The following CEP164 variants were observed in gnomAD, a reference collection of about 807,000 sequenced individuals.
The protein encoded by CEP164 is centrosomal protein 164.
A neutral mutation model predicts 182.7 loss-of-function variants in CEP164; 162 were observed. The ratio of observed to expected loss-of-function variants is 0.89; its 90% CI spans 0.78 to 1.01. The LOEUF is 1.01. Among genes scored for constraint, CEP164 ranks in the 50% least tolerant of loss-of-function variants. The pLI is 0.00. For missense variants in CEP164, 1,735 were observed against 1,790.4 expected, an observed-to-expected ratio of 0.97 and a Z score of 0.56; for synonymous variants, 661 against 690.0, an observed-to-expected ratio of 0.96 and a Z score of 0.66.
rs372292887 is a variant in CEP164 at position 117,395,653 on chromosome 11, G to A, written c.3020G>A (p.Arg1007His). The change falls in exon 24 of 33, where the codon CGC (arginine) becomes CAC (histidine). Residue 1007 changes from arginine (R) to histidine (H), a missense_variant. Transcript: ENST00000278935. Reference sequence around the variant, plus strand: ...GAAATTCTTGATGAGCTGCAGGCCCGCAAGCTGAAGCTGGAGTCCCAAGTG... The same window carrying A: ...GAAATTCTTGATGAGCTGCAGGCCCACAAGCTGAAGCTGGAGTCCCAAGTG... ...LREILDELQA[R>H]KLKLESQVDL... is the part of the protein sequence containing the mutation. 22 of 1,613,508 alleles carry A rather than the reference G, an allele frequency of 1.4e-5. 1 individual carries two copies. The highest frequency in any genetic ancestry group is 1.1e-4 in the South Asian group (10 of 91,038).
chr11:117,392,617 A>G lies in CEP164; in HGVS notation c.2483A>G (p.Tyr828Cys). The G allele has an allele frequency of 6.2e-7, 1 of 1,614,028 alleles. No individual in the cohort carries two copies. The highest frequency in any genetic ancestry group is 2.2e-5 in the East Asian group (1 of 44,880). ...VHQKSYHVAG[Y>C]EHELSSLLRE... The stretch of plus-strand genomic sequence containing the variant: ...CAGAAGTCTTATCACGTGGCTGGGT[A>G]TGAGCACGAGGTGAGTGCTGCTCTG... Residue 828 changes from tyrosine (Y) to cysteine (C), a missense_variant, in exon 19 of 33, where the codon TAT (tyrosine) becomes TGT (cysteine). By Grantham distance (194) the Tyr-to-Cys change is radical. Transcript: ENST00000278935.
chr11:117,406,479 T>C (rs1176729405), intron 27 of CEP164, among the ~76,000 whole-genome samples: 6 of 152,202 alleles, frequency 3.9e-5, no homozygotes, highest in African/African-American at 7.2e-5. Context: ...ACTATATCAA[T>C]AACCATTTAT....
rs530822319 is a variant in CEP164 at position 117,395,178 on chromosome 11, C to T, written c.2900C>T (p.Ala967Val). Residue 967 changes from alanine (A) to valine (V), a missense_variant, in exon 23 of 33, where the codon GCT (alanine) becomes GTT (valine). By Grantham distance (64) the Ala-to-Val change is moderately conservative. Transcript: ENST00000278935. The stretch of plus-strand genomic sequence containing the variant: ...CTGCTTGATGTGCAGAGGCAGGTTG[C>T]TCTGAAGAGTGAGGTTTGTCTCCCT... The part of the protein sequence containing the change: ...QQLLDVQRQV[A>V]LKSEEATATH... 1 of 1,613,896 alleles carries T rather than the reference C, an allele frequency of 6.2e-7. No homozygotes were observed. Among genetic ancestry groups the T allele is most frequent in the South Asian group, 1.1e-5 (1 of 91,078 alleles).
chr11:117,397,354 GA>G lies in CEP164; in HGVS notation c.3501+42del. The G allele has an allele frequency of 3.2e-6, 5 of 1,566,544 alleles. No individual in the cohort carries two copies. In the East Asian group the frequency reaches 6.8e-5, roughly 21 times the overall value. On this transcript the variant is annotated intron_variant, in intron 27 of 32. Transcript: ENST00000278935. The stretch of plus-strand genomic sequence containing the variant: ...AAGGGCCTGCCAGCCCTGTGTGGGG[GA>G]GGCGGGGGGAGTCAGCAAAACAGTC...
At position 117,336,476 on chromosome 11, in the gene CEP164, C is replaced by G. The variant is rs1200864967; in HGVS notation, c.-22+796C>G. 1.3e-6 allele frequency: 2 copies of G among 1,485,806 alleles called. 1 individual carries two copies. The highest frequency in any genetic ancestry group is 4.5e-5 in the East Asian group (2 of 44,124). 92.0% of individuals were successfully genotyped at this position (1,485,806 alleles called of 1,614,324 possible). Reference sequence around the variant, plus strand: ...TGAGGGGCCCCACCTGGGAGGAAAGCTGGATTGCCCTGGGGAACTCCTAGG... The same window carrying G: ...TGAGGGGCCCCACCTGGGAGGAAAGGTGGATTGCCCTGGGGAACTCCTAGG... On this transcript the variant is annotated intron_variant, in intron 2 of 32. Transcript: ENST00000278935.
chr11:117,407,457 CAAA>C (rs1232486465), intron 27 of CEP164, among the ~76,000 whole-genome samples: 217 of 68,996 alleles, frequency 3.1e-3, no homozygotes, highest in Non-Finnish European at 4.6e-3. Context: ...TCTGTCTCTA[CAAA>C]AAAAAAAAAA....
intron 2 of CEP164, among the ~76,000 whole-genome samples, chr11:117,337,410 A>G (rs932304683): frequency 1.3e-5 from 2 of 150,722 alleles, no homozygotes; most frequent in Admixed American, 1.3e-4. Context: ...TAGGGCTTCA[A>G]TATGTGTATT....
rs778301430 is a variant in CEP164 at position 117,391,044 on chromosome 11, G to C, written c.2112G>C (p.Glu704Asp). 6.2e-7 allele frequency: 1 copy of C among 1,614,106 alleles called. No individual in the cohort carries two copies. Among genetic ancestry groups the C allele is most frequent in the Admixed American group, 1.7e-5 (1 of 60,016 alleles). Residue 704 changes from glutamate to aspartate, a missense_variant, in exon 17 of 33, where the codon GAG becomes GAC. By Grantham distance (45) the Glu-to-Asp change is conservative. Coordinates refer to ENST00000278935, the MANE Select transcript of CEP164 (RefSeq NM_014956.5). Reference protein sequence around the residue: ...ASLQKLREELESQQKAERASL... With the variant: ...ASLQKLREELDSQQKAERASL... Reference sequence around the variant, plus strand: ...TGCAGAAACTGAGAGAAGAGTTGGAGTCTCAACAGAAGGCTGAGAGGGCCA... The same window carrying C: ...TGCAGAAACTGAGAGAAGAGTTGGACTCTCAACAGAAGGCTGAGAGGGCCA...
chr11:117,397,129 AG>A lies in CEP164; in HGVS notation c.3322del (p.Val1108Ter). The A allele has an allele frequency of 6.2e-7, 1 of 1,614,142 alleles. No individual in the cohort carries two copies. Among genetic ancestry groups the A allele is most frequent in the Non-Finnish European group, 8.5e-7 (1 of 1,179,998 alleles). On this transcript the variant is annotated frameshift_variant, in exon 27 of 33. Coordinates refer to ENST00000278935, the MANE Select transcript of CEP164 (RefSeq NM_014956.5). LOFTEE classifies it high-confidence loss of function. ...AATGTCTGGCACCTCCTCTCTGCTGAGGGGGTAGCCCTCCGTAGTGCCAAGG... is the reference window on the plus strand; with the variant it reads ...AATGTCTGGCACCTCCTCTCTGCTGAGGGGTAGCCCTCCGTAGTGCCAAGG... ...SHNVWHLLSAEGVALRSAKEF... is the reference protein window; with the variant it reads ...SHNVWHLLSAXGVALRSAKEF...
Position 117,361,951 on chromosome 11 carries a change from G to A in CEP164, c.510G>A (p.Gly170=), listed in dbSNP as rs145771994. ...GTGGATCTCAAAGCGTGAGCCTGGG[G>A]AGCTCAGTGGAGTCTGGACGTCAGC... ...ALRGSQSVSL[G]SSVESGRQLG... is the part of the protein sequence containing the mutation. The change falls in exon 6 of 33, where the codon GGG becomes GGA. Residue 170 remains glycine, a synonymous_variant. Transcript: ENST00000278935. 2.0e-5 allele frequency: 32 copies of A among 1,600,386 alleles called. No homozygotes were observed. The highest frequency in any genetic ancestry group is 2.6e-5 in the Non-Finnish European group (30 of 1,175,890).
intron 5 of CEP164, among the ~76,000 whole-genome samples, chr11:117,353,015 G>A (rs982024603): frequency 2.0e-5 from 3 of 152,188 alleles, no homozygotes; most frequent in African/African-American, 7.2e-5. Context: ...TTTAGGTGGA[G>A]CAACTAAGAC....
chr11:117,376,365 A>G (rs1427837654), intron 11 of CEP164, among the ~76,000 whole-genome samples: 1 of 152,174 alleles, frequency 6.6e-6, no homozygotes, highest in Non-Finnish European at 1.5e-5. Context: ...CCCCTGCCAG[A>G]TGTTAGCTCT....
At chr11:117,345,465 G>T (rs1388033726) in intron 4 of CEP164, among the ~76,000 whole-genome samples, 2 of 152,072 alleles carry the variant, frequency 1.3e-5, no homozygotes, top group Non-Finnish European at 2.9e-5. Flanking sequence ...ACCTTAGATT[G>T]GTATTTCCCT....
chr11:117,351,728 C>CTTTTT, intron 4 of CEP164, 62 bp from the exon 5 acceptor site: 4 of 1,332,804 alleles, frequency 3.0e-6, no homozygotes, highest in East Asian at 2.6e-5. Context: ...TTTTTCCCCT[C>CTTTTT]TTTTTTTTTT....
chr11:117,395,144 A>G lies in CEP164; in HGVS notation c.2866A>G (p.Lys956Glu), dbSNP rs1217613639. ...CAAGGAGGAGACCGCCCGGAGGGAGAAGCAGCAGCTGCTTGATGTGCAGAG... is the reference window on the plus strand; with the variant it reads ...CAAGGAGGAGACCGCCCGGAGGGAGGAGCAGCAGCTGCTTGATGTGCAGAG... ...EVQEETARRE[K>E]QQLLDVQRQV... Residue 956 changes from lysine to glutamate, a missense_variant, in exon 23 of 33, where the codon AAG (lysine) becomes GAG (glutamate). By Grantham distance (56) the Lys-to-Glu change is moderately conservative (BLOSUM62 1). Transcript: ENST00000278935. 6.2e-7 allele frequency: 1 copy of G among 1,613,948 alleles called. No individual in the cohort carries two copies. Among genetic ancestry groups the G allele is most frequent in the Non-Finnish European group, 8.5e-7 (1 of 1,180,028 alleles).
At chr11:117,348,529 C>T (rs1374843255) in intron 4 of CEP164, among the ~76,000 whole-genome samples, 2 of 152,014 alleles carry the variant, frequency 1.3e-5, no homozygotes, top group African/African-American at 4.8e-5. Flanking sequence ...GGTATCTTAC[C>T]ACTATTTCCA....
chr11:117,395,361 C>T (rs918080567), intron 23 of CEP164, among the ~76,000 whole-genome samples, 170 bp downstream of exon 23: 7 of 152,166 alleles, frequency 4.6e-5, no homozygotes, highest in African/African-American at 1.7e-4. Context: ...TTGGGAACCT[C>T]AAGGGAGTGG....
chr11:117,384,592 G>C, intron 14 of CEP164: 2 of 152,360 alleles, frequency 1.3e-5, no homozygotes, highest in East Asian at 3.9e-4. Context: ...TGCCTTGGCC[G>C]ATTCATTCCT....
At chr11:117,340,106 A>G (rs1194206490) in intron 3 of CEP164, among the ~76,000 whole-genome samples, 2 of 151,974 alleles carry the variant, frequency 1.3e-5, no homozygotes, top group African/African-American at 4.8e-5. Flanking sequence ...GCTCACTGCA[A>G]CCTCCGCCTC....
Sources: allele counts gnomAD v4.1 joint callset (sites outside exome capture counted in the v4.1 genomes callset), GRCh38; gene constraint gnomAD v4.1.1; transcripts MANE v1.5; gene names NCBI Gene and HGNC (gene_info 2026-07-23, HGNC 2026-07-21).